Variants in NOTCH3 observed in about 807,000 individuals in gnomAD.
NOTCH3 encodes the protein notch receptor 3, also known as neurogenic locus notch homolog protein 3.
A neutral mutation model predicts 213.3 loss-of-function variants in NOTCH3; 86 were observed. The ratio of observed to expected loss-of-function variants is 0.40; its 90% CI spans 0.34 to 0.48. The LOEUF is 0.48. Ranked by LOEUF, NOTCH3 falls within the 20% of genes least tolerant of loss-of-function variation. The probability of loss-of-function intolerance (pLI) is 0.57; values close to 1 mark genes in which losing one functional copy is unlikely to be tolerated. For synonymous variants in NOTCH3, 1,354 were observed against 1,355.9 expected, an observed-to-expected ratio of 1.00 and a Z score of 0.03; for missense variants, 2,783 against 3,272.6, an observed-to-expected ratio of 0.85 and a Z score of 3.65.
Position 15,181,175 on chromosome 19 carries a change from G to A in NOTCH3, c.2793-13C>T, listed in dbSNP as rs1232408380. 3 of 1,607,364 alleles carry A rather than the reference G, an allele frequency of 1.9e-6. No homozygotes were observed. In the East Asian group the frequency reaches 6.7e-5, roughly 36 times the overall value. On this transcript the variant is annotated splice_polypyrimidine_tract_variant and intron_variant, in intron 17 of 32. Coordinates refer to ENST00000263388, the MANE Select transcript of NOTCH3 (RefSeq NM_000435.3). ...ATTGAAGCAGGAGCTGGAGCGGAAG[G>A]AGTGGGAGGGAGGATCAGGCTCCGC...
Position 15,170,756 on chromosome 19 carries a change from G to C in NOTCH3, c.4806C>G (p.Pro1602=), listed in dbSNP as rs578082632. The part of the protein sequence containing the change: ...LQSPENDHCF[P]DAQSAADYLG... The stretch of plus-strand genomic sequence containing the variant: ...GGTAGTCAGCGGCGCTCTGGGCATC[G>C]GGGAAGCAGTGATCATTCTCAGGCG... Residue 1602 remains proline, a synonymous_variant, in exon 26 of 33, where the codon CCC becomes CCG. Coordinates refer to ENST00000263388, the MANE Select transcript of NOTCH3 (RefSeq NM_000435.3). 7 of 1,612,098 alleles carry C rather than the reference G, an allele frequency of 4.3e-6. No individual in the cohort carries two copies. Among genetic ancestry groups the C allele is most frequent in the Non-Finnish European group, 2.5e-6 (3 of 1,179,410 alleles).
chr19:15,165,763 G>T lies in NOTCH3; in HGVS notation c.5667+24C>A, dbSNP rs1356464914. 1.9e-6 allele frequency: 3 copies of T among 1,607,442 alleles called. No individual in the cohort carries two copies. The Admixed American group carries it at 5.0e-5, about 27-fold the overall frequency. ...GTCTAATGCCTGCCCCAGCTCTGAG[G>T]TCCAAAGTGTGTGCCTATCTCACCT... On this transcript the variant is annotated intron_variant, in intron 30 of 32. Transcript: ENST00000263388. The surrounding 1 kb of genome is among the most constrained non-coding windows in gnomAD (Gnocchi z 4.7).
chr19:15,184,813 G>T, intron 15 of NOTCH3, 93 bp downstream of exon 15: 1 of 760,128 alleles, frequency 1.3e-6, no homozygotes, highest in Non-Finnish European at 2.2e-6. Context: ...CAGGGCTGGG[G>T]ATGGGTCCCT....
chr19:15,190,973 G>A (rs1432909688), intron 6 of NOTCH3, among the ~76,000 whole-genome samples: 2 of 152,022 alleles, frequency 1.3e-5, no homozygotes, highest in Non-Finnish European at 2.9e-5. Context: ...CTCCCATCTT[G>A]GCCTCCCAAA....
Position 15,185,112 on chromosome 19 carries a change from C to T in NOTCH3, c.2297-93G>A, listed in dbSNP as rs1042657037. The T allele has an allele frequency of 3.0e-6, 4 of 1,317,792 alleles. No homozygotes were observed. The highest frequency in any genetic ancestry group is 4.2e-6 in the Non-Finnish European group (4 of 946,330). The allele number at this position is 1,317,792 out of a possible 1,614,324, so 81.6% of individuals were successfully genotyped here. ...CCTCCCCCAACCCCAGGGTCCCCAC[C>T]TTGATACCCACCTCCCAAGCTCCTG... On this transcript the variant is annotated intron_variant, in intron 14 of 32. Coordinates refer to ENST00000263388, the MANE Select transcript of NOTCH3 (RefSeq NM_000435.3). The surrounding 1 kb of genome is among the most constrained non-coding windows in gnomAD (Gnocchi z 4.2).
intron 32 of NOTCH3, 39 bp downstream of exon 32, chr19:15,162,426 C>A (rs1314162801): frequency 7.0e-7 from 1 of 1,423,682 alleles, no homozygotes; most frequent in Admixed American, 1.7e-5. Context: ...TGGCACTGTG[C>A]CACTGCTGAC....
chr19:15,191,315 G>A (rs1056704245), intron 6 of NOTCH3, 109 bp downstream of exon 6: 1 of 1,012,468 alleles, frequency 9.9e-7, no homozygotes, highest in African/African-American at 1.6e-5. Flanking sequence ...TTACAGGCAT[G>A]AGCCACTGTG....
intron 24 of NOTCH3, among the ~76,000 whole-genome samples, chr19:15,176,788 A>AT (rs1427615310): frequency 1.5e-5 from 2 of 132,812 alleles, no homozygotes; most frequent in Non-Finnish European, 3.1e-5. Context: ...AAAAAAAAAA[A>AT]GGAGCCAGGT....
intron 29 of NOTCH3, among the ~76,000 whole-genome samples, chr19:15,166,391 G>A (rs2046686173): frequency 6.9e-6 from 1 of 145,738 alleles, no homozygotes. Flanking sequence ...TCTGGAACAT[G>A]TGTTGTACCC....
rs2145402270 is a variant in NOTCH3 at position 15,170,821 on chromosome 19, C to G, written c.4741G>C (p.Val1581Leu). Residue 1581 changes from valine to leucine, a missense_variant, in exon 26 of 33, where the codon GTA (valine) becomes CTA (leucine). Physicochemically the swap from Val to Leu is conservative, Grantham distance 32. Around this residue, in one of 6 missense-constraint regions of NOTCH3, gnomAD observed 636 missense variants for 801.8 expected, o/e 0.79. Transcript: ENST00000263388. ...RELAPEVIGSVVMLEIDNRLC... is the reference protein window; with the variant it reads ...RELAPEVIGSLVMLEIDNRLC... ...CGGTTGTCAATCTCCAGCATTACTA[C>G]CGAGCTGCAGGGACAGCAGGGAGGG... The G allele has an allele frequency of 6.2e-7, 1 of 1,613,296 alleles. No homozygotes were observed.
Position 15,187,005 on chromosome 19 carries a change from T to C in NOTCH3, c.1841-17A>G, listed in dbSNP as rs1027252652. The C allele has an allele frequency of 1.1e-5, 18 of 1,611,870 alleles. No homozygotes were observed. The highest frequency in any genetic ancestry group is 1.6e-4 in the Middle Eastern group (1 of 6,076). On this transcript the variant is annotated splice_polypyrimidine_tract_variant and intron_variant, in intron 11 of 32. Transcript: ENST00000263388. ...AGTTCACACCTAGGGGCCAGGAACA[T>C]GGCATGGAGTGGCCACCACTGTGCC...
At chr19:15,175,590 T>TATACACACAC (rs150169616) in intron 24 of NOTCH3, among the ~76,000 whole-genome samples, 72 of 107,168 alleles carry the variant, frequency 6.7e-4, no homozygotes, top group Non-Finnish European at 1.1e-3. Flanking sequence ...TATATGTATA[T>TATACACACAC]ACACACACAC....
chr19:15,175,685 G>T (rs181226868), intron 24 of NOTCH3, among the ~76,000 whole-genome samples: 1 of 150,832 alleles, frequency 6.6e-6, no homozygotes, highest in Non-Finnish European at 1.5e-5. Context: ...AGGGCTGGGG[G>T]TGACCAGGGA....
chr19:15,189,102 C>T lies in NOTCH3; in HGVS notation c.1265G>A (p.Gly422Asp), dbSNP rs975908793. The change falls in exon 8 of 33, where the codon GGC becomes GAC. Residue 422 changes from glycine to aspartate, a missense_variant. By Grantham distance (94) the Gly-to-Asp change is moderately conservative. Coordinates refer to ENST00000263388, the MANE Select transcript of NOTCH3 (RefSeq NM_000435.3). ...QGSFLCQCGR[G>D]YTGPRCETDV... Reference sequence around the variant, plus strand: ...GGTCTCACAGCGAGGTCCAGTGTAGCCACGACCGCACTGGCACAGGAAGGA... The same window carrying T: ...GGTCTCACAGCGAGGTCCAGTGTAGTCACGACCGCACTGGCACAGGAAGGA... 1.2e-6 allele frequency: 2 copies of T among 1,613,288 alleles called. No homozygotes were observed. The highest frequency in any genetic ancestry group is 8.5e-7 in the Non-Finnish European group (1 of 1,180,032).
intron 2 of NOTCH3, among the ~76,000 whole-genome samples, chr19:15,194,040 C>G (rs1024957067): frequency 1.3e-5 from 2 of 152,094 alleles, no homozygotes; most frequent in African/African-American, 4.8e-5. Context: ...CGAGATCGTG[C>G]CACTGCACTC....
intron 29 of NOTCH3, among the ~76,000 whole-genome samples, chr19:15,166,420 C>T (rs548120913): frequency 1.2e-4 from 19 of 152,254 alleles, no homozygotes; most frequent in African/African-American, 4.1e-4. Flanking sequence ...TAATCCAACT[C>T]AAGGCAAAGA....
rs1441470677 is a variant in NOTCH3 at position 15,193,771 on chromosome 19, AAAAAAAAACAAAAAAC to A, written c.198-1268_198-1253del. 5.4e-5 allele frequency among the ~76,000 whole-genome samples: 3 copies of A among 55,522 alleles called. No homozygotes were observed. The East Asian group carries it at 1.1e-3, about 21-fold the overall frequency. 36.4% of individuals were successfully genotyped at this position (55,522 alleles called of 152,430 possible). A position where few individuals can be genotyped will look rare whatever the true frequency, so the allele number is the denominator to read the frequency against. ...GGTTGACAGAGGGAGACTCCATCTCAAAAAAAAACAAAAAACAAAAAAAACAAACAGGCCAGGCGCA... is the reference window on the plus strand; with the variant it reads ...GGTTGACAGAGGGAGACTCCATCTCAAAAAAAAACAAACAGGCCAGGCGCA... On this transcript the variant is annotated intron_variant, in intron 2 of 32. Transcript: ENST00000263388.
At position 15,160,581 on chromosome 19, in the gene NOTCH3, A is replaced by T. The variant is rs1176987799; in HGVS notation, c.*81T>A. The stretch of plus-strand genomic sequence containing the variant: ...AAGAGAAGAGGATGAAAAAGACTAA[A>T]AGGAAGGAAGAGACAGAGAAAGAAA... On this transcript the variant is annotated 3_prime_UTR_variant, in exon 33 of 33. Transcript: ENST00000263388. 1 of 1,131,264 alleles carries T rather than the reference A, an allele frequency of 8.8e-7. No homozygotes were observed. Among genetic ancestry groups the T allele is most frequent in the African/African-American group, 1.5e-5 (1 of 65,550 alleles). 70.1% of individuals were successfully genotyped at this position (1,131,264 alleles called of 1,614,324 possible).
chr19:15,171,530 T>C (rs2046734318), intron 25 of NOTCH3, among the ~76,000 whole-genome samples: 1 of 151,036 alleles, frequency 6.6e-6, no homozygotes, highest in Non-Finnish European at 1.5e-5. Flanking sequence ...TTGGGGGGGG[T>C]TGGGGGTGGA....
Sources: gnomAD v4.1 joint callset for allele counts (sites outside exome capture counted in the v4.1 genomes callset) on GRCh38, gnomAD v4.1.1 for gene constraint, gnomAD v4.1.1 regional missense constraint, Gnocchi (gnomAD v3.1) non-coding constraint, MANE v1.5 for transcripts, NCBI Gene and HGNC (gene_info 2026-07-23, HGNC 2026-07-21) for gene names.